Variants in YBX3 observed in about 807,000 individuals in gnomAD.
YBX3 encodes Y-box binding protein 3.
Under a neutral mutation model 42.4 loss-of-function variants are expected in YBX3, and 29 were observed. The observed-to-expected ratio is 0.68, with a 90% CI of 0.51 to 0.93. The LOEUF (loss-of-function observed/expected upper bound fraction) is 0.93. Among genes scored for constraint, YBX3 ranks in the 40% least tolerant of loss-of-function variants. YBX3 has a pLI of 0.00. For missense variants in YBX3, 517 were observed against 527.5 expected, an observed-to-expected ratio of 0.98 and a Z score of 0.19; for synonymous variants, 195 against 189.8, an observed-to-expected ratio of 1.03 and a Z score of -0.22.
intron 5 of YBX3, chr12:10,712,706 T>C (rs562472079): frequency 6.6e-6 from 1 of 152,302 alleles, no homozygotes; most frequent in Non-Finnish European, 1.5e-5. Flanking sequence ...CCAGTGAATG[T>C]CTGTGACTAG....
chr12:10,719,043 A>T (rs1948294987), intron 2 of YBX3, 37 bp downstream of exon 2: 2 of 1,585,276 alleles, frequency 1.3e-6, no homozygotes, highest in African/African-American at 2.7e-5. Flanking sequence ...CAATGTAAGT[A>T]TAAACTTAAA....
At position 10,710,095 on chromosome 12, in the gene YBX3, T is replaced by A; in HGVS notation, c.593A>T (p.Glu198Val). 1 of 1,613,594 alleles carries A rather than the reference T, an allele frequency of 6.2e-7. No individual in the cohort carries two copies. The highest frequency in any genetic ancestry group is 8.5e-7 in the Non-Finnish European group (1 of 1,179,922). Residue 198 changes from glutamate (E) to valine (V), a missense_variant, in exon 6 of 10, where the codon GAG becomes GTG. By Grantham distance (121) the Glu-to-Val change is moderately radical. Coordinates refer to ENST00000228251, the MANE Select transcript of YBX3 (RefSeq NM_003651.5). The part of the protein sequence containing the change: ...PPRNYAGEEE[E>V]EGSGSSEGFD... ...TCCTTCACTGCTGCCGCTCCCTTCC[T>A]CCTCCTCCTCCCCAGCGTACTAGCG...
chr12:10,710,254 T>C, intron 5 of YBX3, 140 bp from the exon 6 acceptor site: 14 of 1,520,686 alleles, frequency 9.2e-6, no homozygotes, highest in Non-Finnish European at 1.2e-5. Context: ...AAAATGCATT[T>C]AACCCAGATT....
chr12:10,719,056 A>G (rs750127966), intron 2 of YBX3, 24 bp downstream of exon 2: 1 of 1,603,366 alleles, frequency 6.2e-7, no homozygotes, highest in South Asian at 1.1e-5. Flanking sequence ...AACTTAAAAC[A>G]TGCAAATATA....
chr12:10,701,468 A>C (rs1359168842), intron 8 of YBX3, 115 bp from the exon 9 acceptor site: 2 of 692,768 alleles, frequency 2.9e-6, no homozygotes, highest in South Asian at 1.6e-5. Flanking sequence ...GCATGCAAAA[A>C]TTTAACTACT....
At chr12:10,712,103 G>A (rs1393820442) in intron 5 of YBX3, 1 of 152,168 alleles carries the variant, frequency 6.6e-6, no homozygotes, top group African/African-American at 2.4e-5. Flanking sequence ...AGAATAAGGA[G>A]GAAAAGCATT....
In YBX3 at chr12:10,723,069, GGGTGGT is replaced by G. The variant is rs566378677; in HGVS notation, c.37_42del (p.Thr13_Thr14del). 18 of 1,207,458 alleles carry G rather than the reference GGGTGGT, an allele frequency of 1.5e-5. No homozygotes were observed. Among genetic ancestry groups the G allele is most frequent in the East Asian group, 6.9e-5 (2 of 29,082 alleles). 74.8% of individuals were successfully genotyped at this position (1,207,458 alleles called of 1,614,324 possible). A position where few individuals can be genotyped will look rare whatever the true frequency, so the allele number is the denominator to read the frequency against. On this transcript the variant is annotated inframe_deletion, in exon 1 of 10. Coordinates refer to ENST00000228251, the MANE Select transcript of YBX3 (RefSeq NM_003651.5). ...GCCGCCTCCGTCGGAGCCTGCGGGAGGGTGGTGGTGGTGGTGGTGGTGGCCTCGCCC... is the reference window on the plus strand; with the variant it reads ...GCCGCCTCCGTCGGAGCCTGCGGGAGGGTGGTGGTGGTGGTGGCCTCGCCC...
chr12:10,716,493 C>T (rs537129089), intron 3 of YBX3, among the ~76,000 whole-genome samples: 4 of 152,052 alleles, frequency 2.6e-5, no homozygotes, highest in East Asian at 1.9e-4. Flanking sequence ...AGTGAAGATG[C>T]TATTCTTCAT....
At chr12:10,705,194 A>T (rs947353580) in intron 6 of YBX3, among the ~76,000 whole-genome samples, 6 of 152,092 alleles carry the variant, frequency 3.9e-5, no homozygotes, top group Non-Finnish European at 5.9e-5. Context: ...CCCTGGTTCA[A>T]GCGATTCTCC....
intron 2 of YBX3, 72 bp downstream of exon 2, chr12:10,719,008 A>G: frequency 7.0e-7 from 1 of 1,424,600 alleles, no homozygotes. Flanking sequence ...AATGAAGGCT[A>G]AGGGATTTAT....
In YBX3 at chr12:10,702,240, G is replaced by A. The variant is rs1025229678; in HGVS notation, c.879-106C>T. 6 of 1,185,418 alleles carry A rather than the reference G, an allele frequency of 5.1e-6. No homozygotes were observed. The African/African-American group carries it at 9.3e-5, about 18-fold the overall frequency. 73.4% of individuals were successfully genotyped at this position (1,185,418 alleles called of 1,614,324 possible). On this transcript the variant is annotated intron_variant, in intron 7 of 9. Coordinates refer to ENST00000228251, the MANE Select transcript of YBX3 (RefSeq NM_003651.5). ...AAAATTAAAAAGTCAAGTGATCAGG[G>A]CCAGGCATGATGGCTCACCCCTGTA...
intron 1 of YBX3, 150 bp from the exon 2 acceptor site, chr12:10,719,293 T>C: frequency 3.1e-6 from 2 of 643,602 alleles, no homozygotes; most frequent in Non-Finnish European, 5.1e-6. Flanking sequence ...AAAAAGAAAA[T>C]GGAGCAAGCC....
intron 4 of YBX3, among the ~76,000 whole-genome samples, chr12:10,715,380 T>A (rs1249665455): frequency 1.3e-5 from 2 of 151,848 alleles, no homozygotes; most frequent in East Asian, 3.9e-4. Context: ...ACCCCGTCTC[T>A]ACTAAAAATA....
chr12:10,716,209 C>G (rs531963599), intron 3 of YBX3: 2 of 167,618 alleles, frequency 1.2e-5, no homozygotes, highest in Admixed American at 1.2e-4. Context: ...ATATTTCTGA[C>G]GAGTAAACAA....
intron 6 of YBX3, among the ~76,000 whole-genome samples, chr12:10,705,720 G>C (rs797171): frequency 0.64 from 97,051 of 152,032 alleles, 31,593 homozygotes; most frequent in East Asian, 0.9. Flanking sequence ...TATACTATTC[G>C]TTATCAAATT....
At chr12:10,700,785 G>C (rs1270062197) in intron 9 of YBX3, among the ~76,000 whole-genome samples, 1 of 152,112 alleles carries the variant, frequency 6.6e-6, no homozygotes, top group Non-Finnish European at 1.5e-5. Context: ...GCAATGGGTA[G>C]ATAAACCTTG....
intron 6 of YBX3, among the ~76,000 whole-genome samples, chr12:10,707,019 AAAATAAAT>A (rs139588933): frequency 7.4e-5 from 11 of 149,608 alleles, no homozygotes; most frequent in African/African-American, 2.0e-4. Flanking sequence ...TCCATCTCAA[AAAATAAAT>A]AAATAAATAA....
chr12:10,700,918 T>C (rs751978899), intron 9 of YBX3, among the ~76,000 whole-genome samples: 11 of 152,236 alleles, frequency 7.2e-5, no homozygotes, highest in Non-Finnish European at 1.5e-4. Context: ...GTTCTGAAAC[T>C]GTTTCTGATT....
intron 2 of YBX3, 76 bp from the exon 3 acceptor site, chr12:10,718,197 A>T: frequency 7.4e-7 from 1 of 1,344,082 alleles, no homozygotes; most frequent in East Asian, 2.3e-5. Flanking sequence ...TGTGTTATGA[A>T]TTTAACTCCC....
Sources: allele counts gnomAD v4.1 joint callset (sites outside exome capture counted in the v4.1 genomes callset), GRCh38; gene constraint gnomAD v4.1.1; transcripts MANE v1.5; gene names NCBI Gene and HGNC (gene_info 2026-07-23, HGNC 2026-07-21).